The following KIAA1328 variants were observed in gnomAD, a reference collection of about 807,000 sequenced individuals.
The protein encoded by KIAA1328 is protein hinderin.
KIAA1328 carries 52 observed loss-of-function variants against 68.1 expected under a neutral mutation model. The ratio of observed to expected loss-of-function variants is 0.76; its 90% CI spans 0.61 to 0.96. The LOEUF (loss-of-function observed/expected upper bound fraction) is 0.96, where lower values mean the gene tolerates loss of function less well. KIAA1328 is among the 40% of genes least tolerant of loss of function. The pLI is 0.00. For missense variants in KIAA1328, 641 were observed against 677.6 expected (o/e 0.95, Z 0.60); for synonymous variants, 232 against 239.4 (o/e 0.97, Z 0.28).
intron 6 of KIAA1328, among the ~76,000 whole-genome samples, chr18:37,050,052 T>C (rs890528635): frequency 6.6e-6 from 1 of 152,150 alleles, no homozygotes; most frequent in African/African-American, 2.4e-5. Flanking sequence ...AAATTCATCT[T>C]TGAATGAATT....
chr18:37,064,641 G>A (rs1031768211), intron 6 of KIAA1328, among the ~76,000 whole-genome samples: 11 of 150,498 alleles, frequency 7.3e-5, no homozygotes, highest in African/African-American at 2.5e-4. Flanking sequence ...TAAGGCTCTC[G>A]AGAGGGGGAA....
At chr18:37,002,407 A>G (rs2053624359) in intron 6 of KIAA1328, among the ~76,000 whole-genome samples, 1 of 151,338 alleles carries the variant, frequency 6.6e-6, no homozygotes, top group South Asian at 2.1e-4. Context: ...ATTTGTAGAG[A>G]TGGAGTCTCA....
chr18:37,144,134 G>A (rs1244276645), intron 7 of KIAA1328, among the ~76,000 whole-genome samples: 1 of 152,032 alleles, frequency 6.6e-6, no homozygotes, highest in East Asian at 1.9e-4. Flanking sequence ...TTCTTCTTGA[G>A]TTAGTTTTGA....
intron 5 of KIAA1328, among the ~76,000 whole-genome samples, chr18:36,913,581 A>G (rs1164899578): frequency 7.6e-6 from 1 of 132,362 alleles, no homozygotes; most frequent in African/African-American, 2.6e-5. Flanking sequence ...ACTTAGAGGA[A>G]AGCAACTGCC....
At chr18:36,948,652 C>G (rs1037319704) in intron 5 of KIAA1328, among the ~76,000 whole-genome samples, 3 of 145,324 alleles carry the variant, frequency 2.1e-5, no homozygotes, top group African/African-American at 7.7e-5. Flanking sequence ...TGGGTTCAAG[C>G]GATTCTCCTG....
rs189428409 is a variant in KIAA1328 at position 37,223,487 on chromosome 18, A to G, written c.*1260A>G. The G allele has an allele frequency of 1.0e-6, 1 of 985,448 alleles. No individual in the cohort carries two copies. The highest frequency in any genetic ancestry group is 6.1e-5 in the Admixed American group (1 of 16,284). 61.0% of individuals were successfully genotyped at this position (985,448 alleles called of 1,614,324 possible). A position where few individuals can be genotyped will look rare whatever the true frequency, so the allele number is the denominator to read the frequency against. On this transcript the variant is annotated 3_prime_UTR_variant, in exon 10 of 10. Coordinates refer to ENST00000280020, the MANE Select transcript of KIAA1328 (RefSeq NM_020776.3). ...GTTTAGCCAGAGTTCAAAACTCTCC[A>G]GTCATTGAAAGCAAGGGGAGGGTGT...
intron 7 of KIAA1328, among the ~76,000 whole-genome samples, chr18:37,134,639 A>T (rs2058601808): frequency 6.6e-6 from 1 of 152,230 alleles, no homozygotes; most frequent in Non-Finnish European, 1.5e-5. Flanking sequence ...TCATGAGAGA[A>T]TGAGAATGAA....
intron 5 of KIAA1328, among the ~76,000 whole-genome samples, chr18:36,922,072 T>G (rs2049948652): frequency 1.3e-5 from 2 of 152,120 alleles, no homozygotes; most frequent in African/African-American, 4.8e-5. Context: ...TTTTTTTTTT[T>G]TAAACAAAGA....
At chr18:37,093,219 A>G (rs1316587011) in intron 7 of KIAA1328, among the ~76,000 whole-genome samples, 2 of 152,250 alleles carry the variant, frequency 1.3e-5, no homozygotes, top group Non-Finnish European at 2.9e-5. Context: ...AGATATCAAT[A>G]TAAGGACACA....
chr18:37,064,500 C>T (rs939099296), intron 6 of KIAA1328, among the ~76,000 whole-genome samples: 3 of 150,038 alleles, frequency 2.0e-5, no homozygotes, highest in Middle Eastern at 3.4e-3. Flanking sequence ...TTTTAAATTA[C>T]TTTTTATTTA....
intron 5 of KIAA1328, among the ~76,000 whole-genome samples, chr18:36,934,982 G>A (rs967366492): frequency 6.6e-6 from 1 of 152,166 alleles, no homozygotes; most frequent in Non-Finnish European, 1.5e-5. Context: ...AGACACTGTT[G>A]TCTTTCCAGA....
At chr18:36,889,833 G>T (rs1221585263) in intron 5 of KIAA1328, among the ~76,000 whole-genome samples, 1 of 152,132 alleles carries the variant, frequency 6.6e-6, no homozygotes, top group Admixed American at 6.5e-5. Context: ...GGATTTTGTT[G>T]ATTTTCATTA....
At chr18:37,008,643 T>C (rs867121252) in intron 6 of KIAA1328, among the ~76,000 whole-genome samples, 1 of 152,278 alleles carries the variant, frequency 6.6e-6, no homozygotes, top group South Asian at 2.1e-4. Context: ...CAGTTATCGA[T>C]AGCATAAAGG....
intron 6 of KIAA1328, among the ~76,000 whole-genome samples, chr18:37,054,233 C>T (rs915743113): frequency 6.6e-6 from 1 of 151,998 alleles, no homozygotes; most frequent in African/African-American, 2.4e-5. Flanking sequence ...TAGTTCATCC[C>T]CTATGGAAAA....
chr18:37,076,299 CA>C (rs2056732775), intron 7 of KIAA1328, among the ~76,000 whole-genome samples: 1 of 152,044 alleles, frequency 6.6e-6, no homozygotes. Flanking sequence ...AACAAAGACA[CA>C]ACATACCAGA....
At chr18:36,845,822 A>G (rs1233664310) in intron 4 of KIAA1328, among the ~76,000 whole-genome samples, 1 of 151,766 alleles carries the variant, frequency 6.6e-6, no homozygotes, top group African/African-American at 2.4e-5. Flanking sequence ...GTAATTCTGT[A>G]GGAAGTCTTT....
intron 7 of KIAA1328, among the ~76,000 whole-genome samples, chr18:37,081,128 C>A (rs769776125): frequency 2.0e-5 from 3 of 151,948 alleles, no homozygotes; most frequent in Non-Finnish European, 4.4e-5. Flanking sequence ...ATTGCAGGCA[C>A]GCACCACCAC....
intron 7 of KIAA1328, among the ~76,000 whole-genome samples, chr18:37,079,660 G>C (rs1374628114): frequency 6.6e-6 from 1 of 151,912 alleles, no homozygotes; most frequent in Non-Finnish European, 1.5e-5. Flanking sequence ...AGGCCGAGGT[G>C]GTGGATCACC....
intron 7 of KIAA1328, among the ~76,000 whole-genome samples, chr18:37,155,060 T>C (rs1441528520): frequency 6.6e-6 from 1 of 152,204 alleles, no homozygotes; most frequent in African/African-American, 2.4e-5. Flanking sequence ...TACAAATGGA[T>C]GATTTCTATT....
Sources: gnomAD v4.1 joint callset for allele counts (sites outside exome capture counted in the v4.1 genomes callset) on GRCh38, gnomAD v4.1.1 for gene constraint, MANE v1.5 for transcripts, NCBI Gene and HGNC (gene_info 2026-07-23, HGNC 2026-07-21) for gene names.